The following SHPRH variants were observed in gnomAD, a reference collection of about 807,000 sequenced individuals.
SHPRH encodes SNF2 histone linker PHD RING helicase, also known as E3 ubiquitin-protein ligase SHPRH.
A neutral mutation model predicts 202.5 loss-of-function variants in SHPRH; 106 were observed. That is an observed-to-expected ratio of 0.52 (90% CI 0.45 to 0.62). The LOEUF (loss-of-function observed/expected upper bound fraction) is 0.62. Ranked by LOEUF, SHPRH falls within the 20% of genes least tolerant of loss-of-function variation. SHPRH has a pLI of 0.00. For missense variants in SHPRH, 1,710 were observed against 2,020.0 expected (o/e 0.85, Z 2.94); for synonymous variants, 729 against 686.0 (o/e 1.06, Z -0.98).
chr6:145,938,460 G>T (rs1786361476), intron 11 of SHPRH, among the ~76,000 whole-genome samples: 2 of 151,980 alleles, frequency 1.3e-5, no homozygotes, highest in African/African-American at 4.8e-5. Context: ...ACCTCACAAA[G>T]AAATAAATCA....
chr6:145,947,771 G>T, intron 5 of SHPRH, 128 bp from the exon 6 acceptor site: 1 of 1,200,310 alleles, frequency 8.3e-7, no homozygotes. Flanking sequence ...CTATATTTTA[G>T]GGCAAAACAA....
In SHPRH at chr6:145,924,788, T is replaced by A; in HGVS notation, c.3353A>T (p.Gln1118Leu). Residue 1118 changes from glutamine to leucine, a missense_variant, in exon 17 of 30, where the codon CAG becomes CTG. Around this residue, in one of 8 missense-constraint regions of SHPRH, gnomAD observed 288 missense variants for 317.8 expected, o/e 0.91. Coordinates refer to ENST00000275233, the MANE Select transcript of SHPRH (RefSeq NM_001042683.3). ...SKCNTEVAEAQQALYPVQQTI... is the reference protein window; with the variant it reads ...SKCNTEVAEALQALYPVQQTI... ...CTGCTGCACAGGATATAAAGCTTGC[T>A]GGGCTTCAGCAACTTCTGTATTACA... is the stretch of plus-strand genomic sequence containing the variant. The A allele has an allele frequency of 6.2e-7, 1 of 1,611,968 alleles. No homozygotes were observed. The highest frequency in any genetic ancestry group is 8.5e-7 in the Non-Finnish European group (1 of 1,178,538).
chr6:145,867,627 TATATAGAGAGAGAGAG>T (rs1250078763), intron 2 of SHPRH, among the ~76,000 whole-genome samples: 190 of 53,772 alleles, frequency 3.5e-3, no homozygotes, highest in African/African-American at 0.018. Context: ...TATATATATA[TATATAGAGAGAGAGAG>T]AGAGAGAGAG....
chr6:145,921,753 T>A lies in SHPRH; in HGVS notation c.3783-361A>T, dbSNP rs6570731. On this transcript the variant is annotated intron_variant, in intron 20 of 29. Transcript: ENST00000275233. ...TGGACAGAAACATGAAGAAATGTATTATTTACTTCAGTAATAACAGAAAAA... is the reference window on the plus strand; with the variant it reads ...TGGACAGAAACATGAAGAAATGTATAATTTACTTCAGTAATAACAGAAAAA... Among the ~76,000 whole-genome samples, 442 of 152,120 alleles carry A rather than the reference T, an allele frequency of 2.9e-3. 1 individual carries two copies. Among genetic ancestry groups the A allele is most frequent in the African/African-American group, 9.2e-3 (384 of 41,548 alleles).
At chr6:145,925,534 G>T (rs530566158) in intron 16 of SHPRH, among the ~76,000 whole-genome samples, 1 of 151,814 alleles carries the variant, frequency 6.6e-6, no homozygotes, top group South Asian at 2.1e-4. Context: ...GTGCAAAAAG[G>T]CTGTGCTTAT....
At position 145,893,392 on chromosome 6, in the gene SHPRH, T is replaced by A. The variant is rs775455809; in HGVS notation, c.4697A>T (p.Glu1566Val). The A allele has an allele frequency of 1.3e-6, 2 of 1,579,692 alleles. No homozygotes were observed. The highest frequency in any genetic ancestry group is 2.3e-5 in the South Asian group (2 of 85,432). Reference sequence around the variant, plus strand: ...ATCACGTTTAAATGCTGAAAGGTTCTCCTAAAAAAGAAAGGTACATTTTAA... The same window carrying A: ...ATCACGTTTAAATGCTGAAAGGTTCACCTAAAAAAGAAAGGTACATTTTAA... ...AQISRVKTFQ[E>V]NLSAFKRDPQ... Residue 1566 changes from glutamate (E) to valine (V), a missense_variant and splice_region_variant, in exon 28 of 30, where the codon GAG becomes GTG. Glu to Val is a moderately radical substitution (Grantham distance 121). Around this residue, in one of 8 missense-constraint regions of SHPRH, gnomAD observed 306 missense variants for 479.5 expected, o/e 0.64. Transcript: ENST00000275233.
In SHPRH at chr6:145,945,374, C is replaced by G. The variant is rs1368530504; in HGVS notation, c.1578+7G>C. ...CTTAATATAGAGCTGAACTTAAGCT[C>G]TGTTACCTGCTTTTTTGTTTTATCA... On this transcript the variant is annotated splice_region_variant and intron_variant, in intron 8 of 29. Transcript: ENST00000275233. 2 of 1,606,022 alleles carry G rather than the reference C, an allele frequency of 1.2e-6. No homozygotes were observed. Among genetic ancestry groups the G allele is most frequent in the Non-Finnish European group, 8.5e-7 (1 of 1,176,814 alleles).
intron 29 of SHPRH, among the ~76,000 whole-genome samples, chr6:145,887,383 T>C (rs1781130335): frequency 6.6e-6 from 1 of 152,090 alleles, no homozygotes; most frequent in Non-Finnish European, 1.5e-5. Flanking sequence ...GTAGAAAGAT[T>C]TATGTTTTCA....
At chr6:145,959,354 AAT>A (rs1788844601) in intron 1 of SHPRH, among the ~76,000 whole-genome samples, 2 of 152,244 alleles carry the variant, frequency 1.3e-5, no homozygotes, top group Middle Eastern at 3.4e-3. Context: ...TCTATATTTA[AAT>A]ATGTTTAAAT....
chr6:145,946,142 T>C, intron 7 of SHPRH, 91 bp downstream of exon 7: 1 of 877,892 alleles, frequency 1.1e-6, no homozygotes. Context: ...AACAATTGTT[T>C]ATAACAATTA....
At position 145,893,276 on chromosome 6, in the gene SHPRH, T is replaced by C. The variant is rs1217550070; in HGVS notation, c.4813A>G (p.Ile1605Val). 4 of 1,606,246 alleles carry C rather than the reference T, an allele frequency of 2.5e-6. No individual in the cohort carries two copies. Among genetic ancestry groups the C allele is most frequent in the South Asian group, 2.2e-5 (2 of 89,844 alleles). Residue 1605 changes from isoleucine (I) to valine (V), a missense_variant, in exon 28 of 30, where the codon ATA becomes GTA. Transcript: ENST00000275233. ...TGAAGCTCATGGGCAGGGTTCAATATGGGCTCCACCAAGAGAACATGAGTT... is the reference window on the plus strand; with the variant it reads ...TGAAGCTCATGGGCAGGGTTCAATACGGGCTCCACCAAGAGAACATGAGTT... ...EATHVLLVEP[I>V]LNPAHELQAI...
chr6:145,864,529 A>C, intron 2 of SHPRH: 1 of 241,582 alleles, frequency 4.1e-6, no homozygotes, highest in Non-Finnish European at 9.1e-6. Context: ...AAAATAAAAA[A>C]TAAAAACAGC....
chr6:145,864,831 G>A (rs1255244181), intron 2 of SHPRH, among the ~76,000 whole-genome samples: 1 of 151,774 alleles, frequency 6.6e-6, no homozygotes, highest in Non-Finnish European at 1.5e-5. Context: ...CCACGTTTTA[G>A]GTCATTAGTA....
At chr6:145,959,245 C>G (rs1334875571) in intron 1 of SHPRH, among the ~76,000 whole-genome samples, 1 of 152,184 alleles carries the variant, frequency 6.6e-6, no homozygotes, top group Non-Finnish European at 1.5e-5. Flanking sequence ...CCCTGACTAA[C>G]CCAGAGCAAC....
intron 24 of SHPRH, among the ~76,000 whole-genome samples, chr6:145,912,118 T>C (rs532072756): frequency 2.0e-5 from 3 of 151,648 alleles, no homozygotes; most frequent in South Asian, 4.2e-4. Context: ...ACCTGACCAT[T>C]AGGAGTGACA....
chr6:145,911,501 T>C (rs951377855), intron 24 of SHPRH, among the ~76,000 whole-genome samples: 2 of 152,120 alleles, frequency 1.3e-5, no homozygotes, highest in Non-Finnish European at 2.9e-5. Context: ...CAACATACCA[T>C]GGAGACTTTT....
At chr6:145,888,739 AAGAAGAGCACCAG>A (rs1482163072) in intron 28 of SHPRH, among the ~76,000 whole-genome samples, 5 of 152,302 alleles carry the variant, frequency 3.3e-5, no homozygotes, top group African/African-American at 1.2e-4. Flanking sequence ...CTTGCTCAGC[AAGAAGAGCACCAG>A]AGAAGCCAGT....
At chr6:145,936,434 A>T (rs1422276290) in intron 11 of SHPRH, among the ~76,000 whole-genome samples, 2 of 151,978 alleles carry the variant, frequency 1.3e-5, no homozygotes. Context: ...GGCTCAAGTG[A>T]TCCTACCTCA....
Position 145,910,453 on chromosome 6 carries a change from C to A in SHPRH, c.4510G>T (p.Val1504Leu). 1 of 1,612,866 alleles carries A rather than the reference C, an allele frequency of 6.2e-7. No homozygotes were observed. Among genetic ancestry groups the A allele is most frequent in the South Asian group, 1.1e-5 (1 of 90,988 alleles). The change falls in exon 25 of 30, where the codon GTG becomes TTG. Residue 1504 changes from valine to leucine, a missense_variant. Coordinates refer to ENST00000275233, the MANE Select transcript of SHPRH (RefSeq NM_001042683.3). Reference protein sequence around the residue: ...EKANQEEDIPVKGSHSTKVEA... With the variant: ...EKANQEEDIPLKGSHSTKVEA... ...GTGTTCCTGACCTACTTTACCTTCA[C>A]AGGGATGTCCTCCTCCTGGTTTGCT...
Sources: allele counts gnomAD v4.1 joint callset (sites outside exome capture counted in the v4.1 genomes callset), GRCh38; gene constraint gnomAD v4.1.1; regional missense constraint gnomAD v4.1.1; transcripts MANE v1.5; gene names NCBI Gene and HGNC (gene_info 2026-07-23, HGNC 2026-07-21).